PLPPR1: variants seen among roughly 807,000 people sequenced by gnomAD.
PLPPR1 encodes phospholipid phosphatase-related protein type 1.
In PLPPR1, 10 loss-of-function variants were observed where a neutral mutation model predicts 33.1. That is an observed-to-expected ratio of 0.30 (90% confidence interval 0.19 to 0.51). The LOEUF is 0.51. Ranked by LOEUF, PLPPR1 falls within the 20% of genes least tolerant of loss-of-function variation. PLPPR1 has a pLI of 0.97. For missense variants in PLPPR1, 304 were observed against 408.1 expected (o/e 0.74, Z 2.20); for synonymous variants, 151 against 151.0 (o/e 1.00, Z 0.00).
At chr9:101,125,295 GTC>G (rs1359064083) in intron 1 of PLPPR1, 1 of 165,080 alleles carries the variant, frequency 6.1e-6, no homozygotes, top group African/African-American at 2.4e-5. Context: ...TTACGTACTT[GTC>G]TCTACTTTAC....
At chr9:101,055,375 C>A (rs1043863873) in intron 1 of PLPPR1, among the ~76,000 whole-genome samples, 1 of 152,128 alleles carries the variant, frequency 6.6e-6, no homozygotes, top group Non-Finnish European at 1.5e-5. Context: ...TTATTTCATT[C>A]AAGACAGAGC....
intron 3 of PLPPR1, among the ~76,000 whole-genome samples, chr9:101,275,012 ACT>A (rs1174501903): frequency 1.3e-5 from 2 of 152,078 alleles, no homozygotes; most frequent in Non-Finnish European, 2.9e-5. Context: ...CCAAATCATG[ACT>A]CTCTTTCTGG....
At chr9:101,155,110 TAAAA>T (rs71356336) in intron 1 of PLPPR1, among the ~76,000 whole-genome samples, 1 of 149,614 alleles carries the variant, frequency 6.7e-6, no homozygotes, top group Non-Finnish European at 1.5e-5. Flanking sequence ...TAAAGTATAA[TAAAA>T]AAAAAAGAAA....
chr9:101,231,610 A>G (rs1314027623), intron 2 of PLPPR1, among the ~76,000 whole-genome samples: 1 of 152,074 alleles, frequency 6.6e-6, no homozygotes, highest in Non-Finnish European at 1.5e-5. Flanking sequence ...AATTTGTTTA[A>G]TGGCTTTGAA....
At chr9:101,077,142 G>T (rs746656608) in intron 1 of PLPPR1, among the ~76,000 whole-genome samples, 1 of 152,172 alleles carries the variant, frequency 6.6e-6, no homozygotes, top group Non-Finnish European at 1.5e-5. Flanking sequence ...AAGTTAGACA[G>T]ACTAAACCCA....
intron 1 of PLPPR1, among the ~76,000 whole-genome samples, chr9:101,181,999 G>A (rs944899452): frequency 2.7e-4 from 40 of 150,762 alleles, no homozygotes; most frequent in Non-Finnish European, 4.4e-5. Flanking sequence ...CACCTAGGTA[G>A]TATATATATA....
intron 1 of PLPPR1, among the ~76,000 whole-genome samples, chr9:101,114,616 G>A (rs536743227): frequency 3.9e-5 from 6 of 152,186 alleles, no homozygotes; most frequent in East Asian, 1.9e-4. Flanking sequence ...GATGTGACTC[G>A]CACAGGCCAA....
At chr9:101,186,313 G>A (rs1826201928) in intron 2 of PLPPR1, among the ~76,000 whole-genome samples, 1 of 151,710 alleles carries the variant, frequency 6.6e-6, no homozygotes, top group Non-Finnish European at 1.5e-5. Flanking sequence ...AGAAAATAGG[G>A]CGTCTAGTGG....
At chr9:101,209,457 T>A (rs1326148759) in intron 2 of PLPPR1, among the ~76,000 whole-genome samples, 1 of 152,242 alleles carries the variant, frequency 6.6e-6, no homozygotes, top group Admixed American at 6.5e-5. Flanking sequence ...TCACTCCCTT[T>A]AGGGTCGTTT....
chr9:101,196,622 G>A (rs1332812700), intron 2 of PLPPR1, among the ~76,000 whole-genome samples: 1 of 152,196 alleles, frequency 6.6e-6, no homozygotes, highest in African/African-American at 2.4e-5. Context: ...AGCACTTTGG[G>A]AGGCCGAGGC....
At chr9:101,065,238 C>A (rs550514738) in intron 1 of PLPPR1, among the ~76,000 whole-genome samples, 2 of 152,180 alleles carry the variant, frequency 1.3e-5, no homozygotes, top group African/African-American at 4.8e-5. Flanking sequence ...CCTCCATGCA[C>A]AGAACGCTCT....
intron 2 of PLPPR1, among the ~76,000 whole-genome samples, chr9:101,203,528 A>C (rs1328488254): frequency 1.3e-5 from 2 of 152,056 alleles, no homozygotes; most frequent in Non-Finnish European, 2.9e-5. Context: ...CATATTGAAC[A>C]CTTAAGGTTT....
chr9:101,302,289 T>C (rs1030749638), intron 4 of PLPPR1, among the ~76,000 whole-genome samples: 4 of 152,220 alleles, frequency 2.6e-5, no homozygotes, highest in Admixed American at 6.5e-5. Context: ...CTGGTATCCA[T>C]GGCAGTCATA....
At chr9:101,227,682 C>A (rs1478597305) in intron 2 of PLPPR1, among the ~76,000 whole-genome samples, 1 of 152,212 alleles carries the variant, frequency 6.6e-6, no homozygotes, top group South Asian at 2.1e-4. Context: ...GTTAAACAAC[C>A]CCCAAATCTG....
intron 1 of PLPPR1, among the ~76,000 whole-genome samples, chr9:101,065,629 T>C (rs1298547346): frequency 6.6e-6 from 1 of 152,088 alleles, no homozygotes; most frequent in African/African-American, 2.4e-5. Context: ...TCTCATGAGA[T>C]GGTTTAAAAG....
At chr9:101,029,517 G>A (rs1829914313) in intron 1 of PLPPR1, among the ~76,000 whole-genome samples, 2 of 152,268 alleles carry the variant, frequency 1.3e-5, no homozygotes, top group South Asian at 4.1e-4. Context: ...CCTCCCACCC[G>A]GGCGGGGGTT....
At chr9:101,036,289 C>T (rs1830008855) in intron 1 of PLPPR1, among the ~76,000 whole-genome samples, 1 of 152,088 alleles carries the variant, frequency 6.6e-6, no homozygotes. Flanking sequence ...TATTGAAACA[C>T]CATTCATCAT....
At chr9:101,071,696 G>A (rs183617722) in intron 1 of PLPPR1, among the ~76,000 whole-genome samples, 158 of 152,214 alleles carry the variant, frequency 1.0e-3, no homozygotes, top group Non-Finnish European at 1.5e-3. Context: ...GGTAATGATA[G>A]CATTTACAGT....
At chr9:101,256,928 AAC>A (rs1827814073) in intron 2 of PLPPR1, among the ~76,000 whole-genome samples, 2 of 152,134 alleles carry the variant, frequency 1.3e-5, no homozygotes, top group African/African-American at 2.4e-5. Context: ...AAGACAAATA[AAC>A]AGTCATACTT....
Sources: gnomAD v4.1 joint callset for allele counts (sites outside exome capture counted in the v4.1 genomes callset) on GRCh38, gnomAD v4.1.1 for gene constraint, MANE v1.5 for transcripts, NCBI Gene and HGNC (gene_info 2026-07-23, HGNC 2026-07-21) for gene names.